Variants in BTBD7 observed in about 807,000 individuals in gnomAD.
BTBD7 encodes BTB/POZ domain-containing protein 7.
BTBD7 carries 38 observed loss-of-function variants against 99.9 expected under a neutral mutation model. The ratio of observed to expected loss-of-function variants is 0.38; its 90% CI spans 0.29 to 0.50. The LOEUF (loss-of-function observed/expected upper bound fraction) is 0.50. Ranked by LOEUF, BTBD7 falls within the 20% of genes least tolerant of loss-of-function variation. The pLI, the probability that BTBD7 is intolerant of heterozygous loss-of-function variation, is 0.93. For synonymous variants in BTBD7, 520 were observed against 511.4 expected (o/e 1.02, Z -0.23); for missense variants, 1,170 against 1,394.6 (o/e 0.84, Z 2.57).
At position 93,294,046 on chromosome 14, in the gene BTBD7, G is replaced by A. The variant is rs1467946162; in HGVS notation, c.974C>T (p.Ala325Val). The A allele has an allele frequency of 3.1e-6, 5 of 1,613,974 alleles. No homozygotes were observed. Among genetic ancestry groups the A allele is most frequent in the Non-Finnish European group, 4.2e-6 (5 of 1,179,910 alleles). Residue 325 changes from alanine (A) to valine (V), a missense_variant, in exon 3 of 11, where the codon GCA becomes GTA. Ala to Val is a moderately conservative substitution (Grantham distance 64). This residue lies in a region of BTBD7 where 359 missense variants were observed against 497.9 expected (regional missense o/e 0.72). Transcript: ENST00000334746. Reference sequence around the variant, plus strand: ...ATACATACAGTGTAATATCACTGTTGCATATTTTTTTGGTATAATGGACTC... The same window carrying A: ...ATACATACAGTGTAATATCACTGTTACATATTTTTTTGGTATAATGGACTC... ...LDESIIPKKY[A>V]TVILHCMYTD...
intron 1 of BTBD7, among the ~76,000 whole-genome samples, chr14:93,324,253 AC>A (rs1331741139): frequency 6.6e-6 from 1 of 152,068 alleles, no homozygotes; most frequent in Non-Finnish European, 1.5e-5. Context: ...CCTGGGCAAT[AC>A]AGGGAGACCC....
intron 7 of BTBD7, among the ~76,000 whole-genome samples, chr14:93,252,049 C>A (rs907997645): frequency 3.3e-5 from 5 of 152,068 alleles, no homozygotes; most frequent in Admixed American, 6.5e-5. Flanking sequence ...GTGACTCATG[C>A]CTGTAATCCC....
chr14:93,312,747 G>A lies in BTBD7; in HGVS notation c.-106-16590C>T, dbSNP rs12889883. 4.7e-3 allele frequency among the ~76,000 whole-genome samples: 673 copies of A among 143,054 alleles called. 4 individuals carry two copies. Among genetic ancestry groups the A allele is most frequent in the Non-Finnish European group, 8.0e-3 (516 of 64,122 alleles). 93.8% of individuals were successfully genotyped at this position (143,054 alleles called of 152,430 possible). A position where few individuals can be genotyped will look rare whatever the true frequency, so the allele number is the denominator to read the frequency against. On this transcript the variant is annotated intron_variant, in intron 1 of 10. Transcript: ENST00000334746. ...AATGCTATATAAACTGCATGCCTAT[G>A]GCAGGCAGTTGTGGTTCTTCTGCCC...
intron 1 of BTBD7, among the ~76,000 whole-genome samples, chr14:93,300,782 ATATAT>A (rs1206003005): frequency 1.6e-5 from 1 of 63,758 alleles, no homozygotes; most frequent in African/African-American, 7.9e-5. Context: ...GTATATATAT[ATATAT>A]TTTTTTTTTG....
chr14:93,294,602 A>C lies in BTBD7; in HGVS notation c.418T>G (p.Tyr140Asp). 6.2e-7 allele frequency: 1 copy of C among 1,613,972 alleles called. No homozygotes were observed. Among genetic ancestry groups the C allele is most frequent in the East Asian group, 2.2e-5 (1 of 44,882 alleles). ...AATATTAAGTCTACATCAGTACAAT[A>C]CTTGTACTCATAAAGATCAGCCATA... ...KDMADLYEYK[Y>D]CTDVDLIFQE... Residue 140 changes from tyrosine (Y) to aspartate (D), a missense_variant, in exon 3 of 11, where the codon TAT becomes GAT. Around this residue, in one of 4 missense-constraint regions of BTBD7, gnomAD observed 359 missense variants for 497.9 expected, o/e 0.72. Coordinates refer to ENST00000334746, the MANE Select transcript of BTBD7 (RefSeq NM_001002860.4).
intron 3 of BTBD7, among the ~76,000 whole-genome samples, chr14:93,275,174 G>A (rs959915210): frequency 6.6e-6 from 1 of 152,148 alleles, no homozygotes; most frequent in South Asian, 2.1e-4. Context: ...ACCAGAAAAC[G>A]GAGATTAGGG....
intron 8 of BTBD7, among the ~76,000 whole-genome samples, chr14:93,250,365 A>G (rs1348468595): frequency 6.6e-6 from 1 of 152,240 alleles, no homozygotes; most frequent in African/African-American, 2.4e-5. Context: ...CTAATTAGCA[A>G]AGCTTCAAAA....
intron 1 of BTBD7, among the ~76,000 whole-genome samples, chr14:93,331,274 G>A: frequency 6.6e-6 from 1 of 152,078 alleles, no homozygotes; most frequent in East Asian, 1.9e-4. Context: ...TAGTAACAAT[G>A]AGCTCTCTAA....
At chr14:93,304,451 G>A (rs1354583213) in intron 1 of BTBD7, among the ~76,000 whole-genome samples, 3 of 152,108 alleles carry the variant, frequency 2.0e-5, no homozygotes, top group South Asian at 2.1e-4. Flanking sequence ...ATCCAGGTTC[G>A]AGCGATTCTC....
At chr14:93,270,380 G>C (rs1433213977) in intron 3 of BTBD7, among the ~76,000 whole-genome samples, 1 of 151,720 alleles carries the variant, frequency 6.6e-6, no homozygotes, top group African/African-American at 2.4e-5. Context: ...ACAGGCGTGA[G>C]CCACTGCGCC....
intron 3 of BTBD7, among the ~76,000 whole-genome samples, chr14:93,292,784 G>A (rs2052874207): frequency 6.6e-6 from 1 of 152,098 alleles, no homozygotes; most frequent in Non-Finnish European, 1.5e-5. Context: ...AGCCTCCCAA[G>A]TAGATAGAAC....
intron 1 of BTBD7, among the ~76,000 whole-genome samples, chr14:93,318,134 G>C (rs551625092): frequency 6.6e-6 from 1 of 152,306 alleles, no homozygotes; most frequent in African/African-American, 2.4e-5. Flanking sequence ...TGATCTTGCG[G>C]ATTCAAAATA....
At position 93,293,909 on chromosome 14, in the gene BTBD7, T is replaced by C. The variant is rs2052888000; in HGVS notation, c.1111A>G (p.Met371Val). Residue 371 changes from methionine (M) to valine (V), a missense_variant, in exon 3 of 11, where the codon ATG becomes GTG. Met to Val is a conservative substitution (Grantham distance 21). This residue lies in a region of BTBD7 where 359 missense variants were observed against 497.9 expected (regional missense o/e 0.72). Transcript: ENST00000334746. ...KPNMTRAEEA[M>V]ELYHIALFLE... is the part of the protein sequence containing the mutation. ...AACAGTGCTATGTGGTAAAGTTCCA[T>C]GGCTTCTTCTGCCCTGGTCATGTTT... is the stretch of plus-strand genomic sequence containing the variant. The C allele has an allele frequency of 6.2e-7, 1 of 1,613,798 alleles. No homozygotes were observed. Among genetic ancestry groups the C allele is most frequent in the Non-Finnish European group, 8.5e-7 (1 of 1,179,862 alleles).
chr14:93,261,628 T>G lies in BTBD7; in HGVS notation c.1421A>C (p.Gln474Pro), dbSNP rs1363874895. Reference protein sequence around the residue: ...LKYLIKWGEHQLMKRIADREP... With the variant: ...LKYLIKWGEHPLMKRIADREP... ...TCTATCTGCTATTCTTTTCATCAAC[T>G]GATGCTCTCCCCATTTAATCAGATA... is the stretch of plus-strand genomic sequence containing the variant. The change falls in exon 5 of 11, where the codon CAG becomes CCG. Residue 474 changes from glutamine (Q) to proline (P), a missense_variant. Physicochemically the swap from Gln to Pro is moderately conservative, Grantham distance 76. This residue lies in a region of BTBD7 where 309 missense variants were observed against 342.0 expected (regional missense o/e 0.90). Coordinates refer to ENST00000334746, the MANE Select transcript of BTBD7 (RefSeq NM_001002860.4). 6.2e-7 allele frequency: 1 copy of G among 1,612,294 alleles called. No homozygotes were observed.
In BTBD7 at chr14:93,247,146, C is replaced by T. The variant is rs542770961; in HGVS notation, c.2122-860G>A. 4.6e-5 allele frequency among the ~76,000 whole-genome samples: 7 copies of T among 151,756 alleles called. No individual in the cohort carries two copies. In the East Asian group the frequency reaches 1.4e-3, roughly 29 times the overall value. ...GGCTCAAGTGATCTTCCCACCTAAT[C>T]CTCCCGAGGAACCGGGACTACTGGC... On this transcript the variant is annotated intron_variant, in intron 9 of 10. Transcript: ENST00000334746.
At chr14:93,310,624 A>T (rs1301968298) in intron 1 of BTBD7, among the ~76,000 whole-genome samples, 1 of 152,140 alleles carries the variant, frequency 6.6e-6, no homozygotes, top group Non-Finnish European at 1.5e-5. Flanking sequence ...ACGCACCTGT[A>T]GTCCCAGGTA....
intron 1 of BTBD7, among the ~76,000 whole-genome samples, chr14:93,314,170 T>C (rs925494539): frequency 2.0e-5 from 3 of 152,192 alleles, no homozygotes; most frequent in African/African-American, 4.8e-5. Context: ...GTTTAAATGA[T>C]TTAAAAAACA....
At position 93,242,152 on chromosome 14, in the gene BTBD7, G is replaced by C. The variant is rs1434351875; in HGVS notation, c.*121C>G. ...TAAACACATATATACACAAAAACTAGAACAAAATCATGTGAAACCGAGTTA... is the reference window on the plus strand; with the variant it reads ...TAAACACATATATACACAAAAACTACAACAAAATCATGTGAAACCGAGTTA... On this transcript the variant is annotated 3_prime_UTR_variant, in exon 11 of 11. Coordinates refer to ENST00000334746, the MANE Select transcript of BTBD7 (RefSeq NM_001002860.4). 1.1e-6 allele frequency: 1 copy of C among 893,646 alleles called. No individual in the cohort carries two copies. The highest frequency in any genetic ancestry group is 2.8e-5 in the Admixed American group (1 of 36,262). 55.4% of individuals were successfully genotyped at this position (893,646 alleles called of 1,614,324 possible). A position where few individuals can be genotyped will look rare whatever the true frequency, so the allele number is the denominator to read the frequency against.
At chr14:93,314,577 G>C (rs1259373948) in intron 1 of BTBD7, among the ~76,000 whole-genome samples, 1 of 152,000 alleles carries the variant, frequency 6.6e-6, no homozygotes, top group African/African-American at 2.4e-5. Context: ...TCCATATTGA[G>C]GGTCACATCC....
Sources: gnomAD v4.1 joint callset for allele counts (sites outside exome capture counted in the v4.1 genomes callset) on GRCh38, gnomAD v4.1.1 for gene constraint, gnomAD v4.1.1 regional missense constraint, MANE v1.5 for transcripts, NCBI Gene and HGNC (gene_info 2026-07-23, HGNC 2026-07-21) for gene names.